Variants in AARSD1 observed in about 807,000 individuals in gnomAD.
AARSD1 encodes the protein alanyl-tRNA editing protein Aarsd1.
Under a neutral mutation model 48.7 loss-of-function variants are expected in AARSD1, and 44 were observed. That is an observed-to-expected ratio of 0.90 (90% confidence interval 0.71 to 1.16). The LOEUF (loss-of-function observed/expected upper bound fraction) is 1.16, where lower values mean the gene tolerates loss of function less well. Ranked by LOEUF, AARSD1 falls within the 50% of genes most tolerant of loss-of-function variation. AARSD1 has a pLI of 0.00. For missense variants in AARSD1, 511 were observed against 523.1 expected (o/e 0.98, Z 0.23); for synonymous variants, 189 against 194.9 (o/e 0.97, Z 0.25).
intron 10 of AARSD1, 117 bp downstream of exon 10, chr17:42,953,607 C>A: frequency 7.5e-7 from 1 of 1,327,154 alleles, no homozygotes. Context: ...GAATGAATGG[C>A]TATTTCCTCC....
chr17:42,951,831 G>A lies in AARSD1; in HGVS notation c.1072C>T (p.Pro358Ser), dbSNP rs542286842. The A allele has an allele frequency of 1.2e-6, 2 of 1,613,722 alleles. No homozygotes were observed. The highest frequency in any genetic ancestry group is 1.3e-5 in the African/African-American group (1 of 74,930). ...CCCAGGGTCTCCACAGACGCAGGTG[G>A]CCCTGCCAGTAAGAAGAGTCCACCA... ...KGGGLFLLAG[P>S]PASVETLGPR... The change falls in exon 11 of 12, where the codon CCA (proline) becomes TCA (serine). Residue 358 changes from proline to serine, a missense_variant. Transcript: ENST00000427569.
intron 10 of AARSD1, 47 bp downstream of exon 10, chr17:42,953,677 C>T (rs759342582): frequency 1.2e-5 from 19 of 1,613,718 alleles, no homozygotes; most frequent in South Asian, 2.2e-5. Context: ...TTATGTCTCC[C>T]TAGGTCTCTA....
At chr17:42,956,140 C>T (rs755671157) in intron 6 of AARSD1, 64 bp downstream of exon 6, 3 of 1,612,238 alleles carry the variant, frequency 1.9e-6, no homozygotes, top group Admixed American at 3.3e-5. Flanking sequence ...CCACTCCCAG[C>T]CCCATGTGAT....
chr17:42,964,343 T>C, intron 1 of AARSD1, 59 bp downstream of exon 1: 5 of 1,583,528 alleles, frequency 3.2e-6, no homozygotes, highest in Non-Finnish European at 2.6e-6. Context: ...CGTGGCGCCC[T>C]CTTCCCCAAA....
In AARSD1 at chr17:42,950,567, A is replaced by G; in HGVS notation, c.*26T>C. Reference sequence around the variant, plus strand: ...TTTATTGACCAAAAGATTCCTGTGGAAACAGGAGGTGAGTGCCCTAAGCCC... The same window carrying G: ...TTTATTGACCAAAAGATTCCTGTGGGAACAGGAGGTGAGTGCCCTAAGCCC... On this transcript the variant is annotated 3_prime_UTR_variant, in exon 12 of 12. Transcript: ENST00000427569. 1 of 1,555,436 alleles carries G rather than the reference A, an allele frequency of 6.4e-7. No individual in the cohort carries two copies. The highest frequency in any genetic ancestry group is 8.7e-7 in the Non-Finnish European group (1 of 1,147,930).
At chr17:42,964,377 C>G (rs2049684294) in intron 1 of AARSD1, 25 bp downstream of exon 1, 1 of 1,557,276 alleles carries the variant, frequency 6.4e-7, no homozygotes, top group Admixed American at 2.0e-5. Context: ...CCGGCAGTCT[C>G]AAGTGCCTCG....
intron 1 of AARSD1, 45 bp from the exon 2 acceptor site, chr17:42,964,282 GC>G: frequency 1.2e-6 from 2 of 1,608,032 alleles, no homozygotes; most frequent in Non-Finnish European, 1.7e-6. Context: ...CCCAGCCCTA[GC>G]CCTAGCCCTC....
chr17:42,955,605 A>C, intron 7 of AARSD1: 1 of 574,594 alleles, frequency 1.7e-6, no homozygotes, highest in Non-Finnish European at 2.8e-6. Context: ...TGCCTGGCTA[A>C]GTTCTTTTTG....
Position 42,954,935 on chromosome 17 carries a change from C to T in AARSD1, c.894G>A (p.Val298=). 6.2e-7 allele frequency: 1 copy of T among 1,614,154 alleles called. No homozygotes were observed. Among genetic ancestry groups the T allele is most frequent in the Non-Finnish European group, 8.5e-7 (1 of 1,180,034 alleles). Reference sequence around the variant, plus strand: ...TGTTCCTGAGGCTATGGGCAATGTGCACAGCCAGGTCTCTGAGCAGATTCA... The same window carrying T: ...TGTTCCTGAGGCTATGGGCAATGTGTACAGCCAGGTCTCTGAGCAGATTCA... ...NNLNLLRDLA[V]HIAHSLRNSP... is the part of the protein sequence containing the mutation. The change falls in exon 9 of 12, where the codon GTG becomes GTA. Residue 298 remains valine, a synonymous_variant. Transcript: ENST00000427569.
rs746922327 is a variant in AARSD1 at position 42,964,264 on chromosome 17, G to A, written c.40-27C>T. ...TGAACAGAGAGGAATGAGAGAATAAGCCCCGACCCCAGCCCTAGCCCTAGC... is the reference window on the plus strand; with the variant it reads ...TGAACAGAGAGGAATGAGAGAATAAACCCCGACCCCAGCCCTAGCCCTAGC... On this transcript the variant is annotated intron_variant, in intron 1 of 11. Coordinates refer to ENST00000427569, the MANE Select transcript of AARSD1 (RefSeq NM_001261434.2). The A allele has an allele frequency of 1.5e-5, 22 of 1,489,264 alleles. 1 individual carries two copies. In the African/African-American group the frequency reaches 3.0e-4, roughly 21 times the overall value. 92.3% of individuals were successfully genotyped at this position (1,489,264 alleles called of 1,614,324 possible). A position where few individuals can be genotyped will look rare whatever the true frequency, so the allele number is the denominator to read the frequency against.
At chr17:42,959,366 C>A (rs993681330) in intron 3 of AARSD1, among the ~76,000 whole-genome samples, 3 of 151,422 alleles carry the variant, frequency 2.0e-5, no homozygotes, top group Non-Finnish European at 2.9e-5. Flanking sequence ...CAGGCATGCA[C>A]CACCACGCCC....
intron 4 of AARSD1, among the ~76,000 whole-genome samples, 162 bp from the exon 5 acceptor site, chr17:42,956,722 C>G (rs1267446969): frequency 8.9e-6 from 1 of 111,814 alleles, no homozygotes; most frequent in African/African-American, 3.4e-5. Context: ...GGCTGGAGTG[C>G]AGTGGCGCGA....
intron 2 of AARSD1, among the ~76,000 whole-genome samples, chr17:42,963,052 G>A (rs1597719241): frequency 6.6e-6 from 1 of 151,582 alleles, no homozygotes; most frequent in African/African-American, 2.4e-5. Context: ...AAAATAACCT[G>A]CATGGTTCGC....
At position 42,951,899 on chromosome 17, in the gene AARSD1, G is replaced by A; in HGVS notation, c.1009-5C>T. 1 of 1,613,512 alleles carries A rather than the reference G, an allele frequency of 6.2e-7. No homozygotes were observed. The highest frequency in any genetic ancestry group is 8.5e-7 in the Non-Finnish European group (1 of 1,179,646). On this transcript the variant is annotated splice_polypyrimidine_tract_variant and splice_region_variant and intron_variant, in intron 10 of 11. Coordinates refer to ENST00000427569, the MANE Select transcript of AARSD1 (RefSeq NM_001261434.2). ...AGTTAAGAACAGGAGGGTCTCCTAG[G>A]AGGTAAGACAAGGAGATAAGCTCTG...
chr17:42,954,826 C>A (rs1431700540), intron 9 of AARSD1, 50 bp downstream of exon 9: 1 of 1,602,206 alleles, frequency 6.2e-7, no homozygotes, highest in Non-Finnish European at 8.5e-7. Flanking sequence ...ACACTGAGCC[C>A]TAAGCCCAAC....
chr17:42,962,254 C>A, intron 2 of AARSD1: 1 of 266,442 alleles, frequency 3.8e-6, no homozygotes, highest in South Asian at 2.8e-5. Flanking sequence ...AAGCCGAGAT[C>A]ACGCCGCTGC....
chr17:42,955,532 G>A (rs953496837), intron 7 of AARSD1: 20 of 424,390 alleles, frequency 4.7e-5, no homozygotes, highest in African/African-American at 2.9e-4. Flanking sequence ...TCCACCTCCC[G>A]GGTTCACGCC....
intron 2 of AARSD1, chr17:42,962,193 G>C (rs1433025980): frequency 7.0e-6 from 2 of 284,466 alleles, no homozygotes; most frequent in Non-Finnish European, 1.5e-5. Context: ...CTAGCTACTC[G>C]GGAGACTGAG....
chr17:42,961,249 G>C lies in AARSD1; in HGVS notation c.274C>G (p.Gln92Glu), dbSNP rs1479442629. 3.1e-6 allele frequency: 5 copies of C among 1,613,998 alleles called. No homozygotes were observed. Among genetic ancestry groups the C allele is most frequent in the Non-Finnish European group, 4.2e-6 (5 of 1,180,014 alleles). Residue 92 changes from glutamine (Q) to glutamate (E), a missense_variant, in exon 3 of 12, where the codon CAG becomes GAG. Transcript: ENST00000427569. ...TCCCAATCTACCCGGACCAGAACCT[G>C]GCTTCCTGGATCCAGGGGTGTCTGG... The part of the protein sequence containing the change: ...FTQTPLDPGS[Q>E]VLVRVDWERR...
Sources: allele counts gnomAD v4.1 joint callset (sites outside exome capture counted in the v4.1 genomes callset), GRCh38; gene constraint gnomAD v4.1.1; transcripts MANE v1.5; gene names NCBI Gene and HGNC (gene_info 2026-07-23, HGNC 2026-07-21).